The following SLC25A28 variants were observed in gnomAD, a reference collection of about 807,000 sequenced individuals.
The protein encoded by SLC25A28 is solute carrier family 25 member 28.
SLC25A28 carries 10 observed loss-of-function variants against 31.9 expected under a neutral mutation model. The observed-to-expected ratio is 0.31, with a 90% CI of 0.19 to 0.53. The LOEUF (loss-of-function observed/expected upper bound fraction) is 0.53, where lower values mean the gene tolerates loss of function less well. Ranked by LOEUF, SLC25A28 falls within the 20% of genes least tolerant of loss-of-function variation. The pLI, the probability that SLC25A28 is intolerant of heterozygous loss-of-function variation, is 0.95. For missense variants in SLC25A28, 256 were observed against 490.3 expected, an observed-to-expected ratio of 0.52 and a Z score of 4.51; for synonymous variants, 208 against 203.6, an observed-to-expected ratio of 1.02 and a Z score of -0.19.
At chr10:99,634,424 T>C in the SLC25A28 span, among the ~76,000 whole-genome samples, 4 of 45,846 alleles carry the variant, frequency 8.7e-5, no homozygotes, top group African/African-American at 2.8e-4. Context: ...GGGAGAAATA[T>C]TCGAGGAAAT....
chr10:99,631,733 T>C, the SLC25A28 span, among the ~76,000 whole-genome samples: 1 of 152,094 alleles, frequency 6.6e-6, no homozygotes, highest in Admixed American at 6.5e-5. Context: ...AGCTTCACTT[T>C]CCTCATCTGT....
At chr10:99,614,031 G>A in intron 1 of SLC25A28, 107 bp from the exon 2 acceptor site, 1 of 1,331,714 alleles carries the variant, frequency 7.5e-7, no homozygotes, top group Non-Finnish European at 1.0e-6. Flanking sequence ...TCTGTGAGAG[G>A]GATATCTGGC....
chr10:99,648,289 G>T, the SLC25A28 span, among the ~76,000 whole-genome samples: 1 of 151,948 alleles, frequency 6.6e-6, no homozygotes, highest in Non-Finnish European at 1.5e-5. Context: ...GCACCACCAT[G>T]CCCAGCCTAT....
At chr10:99,616,317 T>C in intron 1 of SLC25A28, 3 of 787,204 alleles carry the variant, frequency 3.8e-6, no homozygotes, top group Non-Finnish European at 4.6e-6. Context: ...AGCTTCAAAA[T>C]TGTCATCTAT....
chr10:99,643,690 C>T, the SLC25A28 span, among the ~76,000 whole-genome samples: 5 of 152,080 alleles, frequency 3.3e-5, no homozygotes, highest in African/African-American at 4.8e-5. Flanking sequence ...CCTGCTTTCT[C>T]TTGTGGGCAT....
the SLC25A28 span, among the ~76,000 whole-genome samples, chr10:99,640,342 C>T: frequency 1.3e-5 from 2 of 152,306 alleles, no homozygotes; most frequent in African/African-American, 4.8e-5. Context: ...TTGATTATGG[C>T]TATTGGCAGG....
At chr10:99,620,869 C>A (rs549640240), upstream of SLC25A28, 1 of 985,478 alleles carries the variant, frequency 1.0e-6, no homozygotes, top group Admixed American at 6.1e-5. Context: ...AGCTGCGGTC[C>A]CTGTGCGCGG....
chr10:99,613,590 A>C lies in SLC25A28; in HGVS notation c.520+106T>G. On this transcript the variant is annotated intron_variant, in intron 2 of 3. Coordinates refer to ENST00000370495, the MANE Select transcript of SLC25A28 (RefSeq NM_031212.4). This position sits in a 1 kb window ranked among gnomAD's most constrained non-coding sequence, Gnocchi z 4.9. ...CCTCCCTTATAATCTGGCCTATCCCAGCCCAAAGCTTCAGCTCCAAACCAT... is the reference window on the plus strand; with the variant it reads ...CCTCCCTTATAATCTGGCCTATCCCCGCCCAAAGCTTCAGCTCCAAACCAT... 6.4e-7 allele frequency: 1 copy of C among 1,571,038 alleles called. No individual in the cohort carries two copies. The highest frequency in any genetic ancestry group is 8.6e-7 in the Non-Finnish European group (1 of 1,158,610).
At chr10:99,615,400 T>C (rs1034186363) in intron 1 of SLC25A28, 2 of 954,734 alleles carry the variant, frequency 2.1e-6, no homozygotes, top group Admixed American at 1.3e-4. Context: ...CTTGGCCAAC[T>C]GGAATCCAAG....
the SLC25A28 span, among the ~76,000 whole-genome samples, chr10:99,657,389 T>C: frequency 3.6e-3 from 550 of 152,320 alleles, no homozygotes; most frequent in Non-Finnish European, 6.1e-3. Context: ...ATAACTGGTA[T>C]CTGTATAATG....
At chr10:99,615,382 A>C (rs545962169) in intron 1 of SLC25A28, 2 of 929,928 alleles carry the variant, frequency 2.2e-6, no homozygotes, top group Admixed American at 1.3e-4. Context: ...AAAAGCTTGA[A>C]CCTTCCTCTT....
chr10:99,640,161 T>C, the SLC25A28 span, among the ~76,000 whole-genome samples: 2 of 152,208 alleles, frequency 1.3e-5, no homozygotes, highest in South Asian at 4.1e-4. Flanking sequence ...TAGTTATCCA[T>C]CACCGCATAA....
At chr10:99,654,554 C>G in the SLC25A28 span, among the ~76,000 whole-genome samples, 2 of 151,928 alleles carry the variant, frequency 1.3e-5, no homozygotes, top group Non-Finnish European at 2.9e-5. Flanking sequence ...CCCAGTTACT[C>G]AGGAGGCAGG....
the SLC25A28 span, among the ~76,000 whole-genome samples, chr10:99,643,274 T>G: frequency 1.3e-5 from 2 of 152,226 alleles, no homozygotes; most frequent in Non-Finnish European, 2.9e-5. Context: ...GGGATTCAAC[T>G]TCTTGCTGGT....
At chr10:99,636,563 G>A in the SLC25A28 span, among the ~76,000 whole-genome samples, 1 of 152,180 alleles carries the variant, frequency 6.6e-6, no homozygotes, top group East Asian at 1.9e-4. Context: ...AGGAACTGGA[G>A]AAACAAGAAC....
the SLC25A28 span, among the ~76,000 whole-genome samples, chr10:99,632,052 G>A: frequency 6.7e-6 from 1 of 149,888 alleles, no homozygotes; most frequent in Non-Finnish European, 1.5e-5. Context: ...GCCCGCCACC[G>A]CGCCCGGCTA....
the SLC25A28 span, among the ~76,000 whole-genome samples, chr10:99,643,673 G>T: frequency 3.3e-5 from 5 of 152,074 alleles, no homozygotes; most frequent in Non-Finnish European, 7.4e-5. Flanking sequence ...ATGAATTTTA[G>T]ATCTTTCCTG....
At chr10:99,643,559 A>G in the SLC25A28 span, among the ~76,000 whole-genome samples, 8 of 151,992 alleles carry the variant, frequency 5.3e-5, no homozygotes, top group South Asian at 2.1e-4. Flanking sequence ...TTGTGTCTCT[A>G]TCTCCTTCAG....
the SLC25A28 span, among the ~76,000 whole-genome samples, chr10:99,648,855 C>A: frequency 1.3e-5 from 2 of 151,892 alleles, no homozygotes; most frequent in Non-Finnish European, 2.9e-5. Flanking sequence ...TTGGAGGAGC[C>A]AAAAAACCCC....
Sources: allele counts gnomAD v4.1 joint callset (sites outside exome capture counted in the v4.1 genomes callset), GRCh38; gene constraint gnomAD v4.1.1; non-coding constraint Gnocchi (gnomAD v3.1); transcripts MANE v1.5; gene names NCBI Gene and HGNC (gene_info 2026-07-23, HGNC 2026-07-21).